The following MIB1 variants were observed in gnomAD, a reference collection of about 807,000 sequenced individuals.
MIB1 encodes MIB E3 ubiquitin protein ligase 1, also known as E3 ubiquitin-protein ligase MIB1.
In MIB1, 278 loss-of-function variants were observed where a neutral mutation model predicts 124.5. The ratio of observed to expected loss-of-function variants is 2.23; its 90% CI spans 2.02 to 2.47. MIB1 has a LOEUF of 2.47. MIB1 is among the 30% of genes most tolerant of loss of function. The pLI is 0.00. For synonymous variants in MIB1, 446 were observed against 429.4 expected, an observed-to-expected ratio of 1.04 and a Z score of -0.48; for missense variants, 957 against 1,254.4, an observed-to-expected ratio of 0.76 and a Z score of 3.58.
chr18:21,826,829 ACT>A (rs1054685089), intron 12 of MIB1: 15 of 152,178 alleles, frequency 9.9e-5, no homozygotes, highest in African/African-American at 3.1e-4. Flanking sequence ...TATGCAAATG[ACT>A]CTTACACTAA....
chr18:21,803,113 T>C (rs939770413), intron 9 of MIB1, among the ~76,000 whole-genome samples: 7 of 152,376 alleles, frequency 4.6e-5, no homozygotes, highest in African/African-American at 1.7e-4. Flanking sequence ...ATTTGTTTTC[T>C]CTCTTTCACA....
intron 1 of MIB1, among the ~76,000 whole-genome samples, chr18:21,733,933 G>C (rs1327993885): frequency 2.0e-5 from 3 of 152,074 alleles, no homozygotes; most frequent in African/African-American, 7.2e-5. Context: ...TCGAACTCCT[G>C]ACCTCAGATG....
At chr18:21,795,639 A>G (rs2041570159) in intron 7 of MIB1, among the ~76,000 whole-genome samples, 1 of 151,748 alleles carries the variant, frequency 6.6e-6, no homozygotes, top group Non-Finnish European at 1.5e-5. Flanking sequence ...TAAAAAGGAA[A>G]CTCCTCAAAG....
At chr18:21,779,712 A>G in intron 6 of MIB1, 27 bp downstream of exon 6, 2 of 1,566,250 alleles carry the variant, frequency 1.3e-6, no homozygotes, top group South Asian at 2.2e-5. Flanking sequence ...AATTTTTGAC[A>G]ATGACAAATA....
At chr18:21,848,365 T>C (rs1382184208) in intron 16 of MIB1, among the ~76,000 whole-genome samples, 1 of 152,006 alleles carries the variant, frequency 6.6e-6, no homozygotes, top group African/African-American at 2.4e-5. Context: ...GGAGAATTGC[T>C]TGAACCGGGA....
chr18:21,839,321 T>G (rs140914774), intron 13 of MIB1, among the ~76,000 whole-genome samples: 25 of 152,294 alleles, frequency 1.6e-4, no homozygotes, highest in African/African-American at 5.3e-4. Flanking sequence ...GCTATTAAAA[T>G]TACTGCTCTC....
chr18:21,818,675 G>A (rs913475045), intron 11 of MIB1, among the ~76,000 whole-genome samples: 1 of 152,074 alleles, frequency 6.6e-6, no homozygotes, highest in Non-Finnish European at 1.5e-5. Context: ...GGTGGCTCAC[G>A]CCTGTAATCC....
At chr18:21,778,538 G>T (rs2041319242) in intron 5 of MIB1, among the ~76,000 whole-genome samples, 1 of 151,912 alleles carries the variant, frequency 6.6e-6, no homozygotes, top group Admixed American at 6.6e-5. Context: ...TTGTCAAATT[G>T]TCTTCCTAAG....
intron 12 of MIB1, among the ~76,000 whole-genome samples, chr18:21,821,016 T>C (rs913480648): frequency 6.6e-6 from 1 of 152,212 alleles, no homozygotes; most frequent in East Asian, 1.9e-4. Flanking sequence ...CTTAGAGTTA[T>C]CTTTGCTCTC....
chr18:21,857,329 G>A, intron 19 of MIB1, 86 bp downstream of exon 19: 1 of 800,000 alleles, frequency 1.3e-6, no homozygotes, highest in South Asian at 1.5e-5. Context: ...ATACACTACT[G>A]CCTTATAAAA....
chr18:21,722,765 A>G (rs896895733), intron 1 of MIB1, among the ~76,000 whole-genome samples: 1 of 152,102 alleles, frequency 6.6e-6, no homozygotes, highest in Non-Finnish European at 1.5e-5. Context: ...ATTTTTTCTC[A>G]TGATTGGAGT....
chr18:21,865,238 T>C lies in MIB1; in HGVS notation c.*572T>C, dbSNP rs990057776. 8 of 152,186 alleles carry C rather than the reference T, an allele frequency of 5.3e-5. No homozygotes were observed. The highest frequency in any genetic ancestry group is 1.7e-4 in the African/African-American group (7 of 41,452). The allele number at this position is 152,186 out of a possible 1,614,324, so 9.4% of individuals were successfully genotyped here. ...CATGTTTGTTTCTGAATTCTTAGAG[T>C]AAATGGAAGCATAGAATGAGGGAAT... On this transcript the variant is annotated 3_prime_UTR_variant, in exon 21 of 21. Coordinates refer to ENST00000261537, the MANE Select transcript of MIB1 (RefSeq NM_020774.4).
chr18:21,721,268 C>T (rs1399139646), intron 1 of MIB1, among the ~76,000 whole-genome samples: 1 of 142,182 alleles, frequency 7.0e-6, no homozygotes, highest in Non-Finnish European at 1.5e-5. Flanking sequence ...GCAATATCCG[C>T]CTCCCAGATT....
At chr18:21,819,384 G>A (rs1033191105) in intron 11 of MIB1, 111 bp from the exon 12 acceptor site, 15 of 635,882 alleles carry the variant, frequency 2.4e-5, no homozygotes, top group East Asian at 8.3e-5. Flanking sequence ...TCTTTTATTG[G>A]TATTTGTTGG....
rs545718984 is a variant in MIB1 at position 21,807,701 on chromosome 18, C to T, written c.1479+3687C>T. ...GAATGTCCTACAGAGCTCAGGACAG[C>T]TCTCACAACAGTGATCTGGCTTTAA... is the stretch of plus-strand genomic sequence containing the variant. On this transcript the variant is annotated intron_variant, in intron 10 of 20. Transcript: ENST00000261537. 5.9e-5 allele frequency among the ~76,000 whole-genome samples: 9 copies of T among 152,260 alleles called. No homozygotes were observed. The South Asian group carries it at 1.2e-3, about 21-fold the overall frequency.
chr18:21,764,462 T>C (rs1329392046), intron 1 of MIB1, among the ~76,000 whole-genome samples: 1 of 152,230 alleles, frequency 6.6e-6, no homozygotes, highest in Non-Finnish European at 1.5e-5. Context: ...TTTTGTACTC[T>C]AGTTTTTACA....
At chr18:21,722,214 C>T (rs1476635919) in intron 1 of MIB1, among the ~76,000 whole-genome samples, 1 of 151,714 alleles carries the variant, frequency 6.6e-6, no homozygotes, top group African/African-American at 2.4e-5. Flanking sequence ...ACCACCACAC[C>T]TGGCTAATTT....
intron 1 of MIB1, among the ~76,000 whole-genome samples, chr18:21,743,025 T>C (rs1332441923): frequency 6.6e-6 from 1 of 152,196 alleles, no homozygotes; most frequent in Non-Finnish European, 1.5e-5. Flanking sequence ...CAAGCAACCC[T>C]CCTGTCTCAG....
chr18:21,802,354 A>G (rs1178279956), intron 9 of MIB1, among the ~76,000 whole-genome samples: 1 of 151,870 alleles, frequency 6.6e-6, no homozygotes, highest in African/African-American at 2.4e-5. Context: ...TTCTTGGACT[A>G]TTCATCGAAT....
Sources: gnomAD v4.1 joint callset for allele counts (sites outside exome capture counted in the v4.1 genomes callset) on GRCh38, gnomAD v4.1.1 for gene constraint, MANE v1.5 for transcripts, NCBI Gene and HGNC (gene_info 2026-07-23, HGNC 2026-07-21) for gene names.